The following FYN variants were observed in gnomAD, a reference collection of about 807,000 sequenced individuals.
FYN encodes FYN proto-oncogene, Src family tyrosine kinase.
In FYN, 10 loss-of-function variants were observed where a neutral mutation model predicts 70.2. The observed-to-expected ratio is 0.14, with a 90% confidence interval of 0.09 to 0.24. FYN has a LOEUF of 0.24. Ranked by LOEUF, FYN falls within the 10% of genes least tolerant of loss-of-function variation. The probability of loss-of-function intolerance (pLI) is 1.00; values close to 1 mark genes in which losing one functional copy is unlikely to be tolerated. For synonymous variants in FYN, 236 were observed against 248.6 expected (o/e 0.95, Z 0.48); for missense variants, 319 against 673.1 (o/e 0.47, Z 5.82).
At chr6:111,669,438 C>CAA (rs10690295) in intron 13 of FYN, among the ~76,000 whole-genome samples, 1,752 of 56,680 alleles carry the variant, frequency 0.031, 128 homozygotes, top group African/African-American at 0.1. Flanking sequence ...CCATCCATCT[C>CAA]AAAAAAAAAA....
intron 13 of FYN, among the ~76,000 whole-genome samples, chr6:111,666,203 C>T (rs1223157985): frequency 6.6e-6 from 1 of 152,036 alleles, no homozygotes; most frequent in African/African-American, 2.4e-5. Context: ...TGTCTGAGCA[C>T]ATTTTAGGGA....
At chr6:111,707,546 TG>T (rs1417535866) in intron 6 of FYN, among the ~76,000 whole-genome samples, 2 of 147,592 alleles carry the variant, frequency 1.4e-5, no homozygotes, top group Non-Finnish European at 2.9e-5. Context: ...GGCAATTACT[TG>T]CTACTCTCCC....
intron 12 of FYN, among the ~76,000 whole-genome samples, chr6:111,693,820 G>A (rs1050018118): frequency 6.6e-6 from 1 of 152,086 alleles, no homozygotes; most frequent in African/African-American, 2.4e-5. Flanking sequence ...GCTAGAGTGG[G>A]GTTGGGTGTG....
chr6:111,868,575 A>G (rs1456289787), intron 1 of FYN, among the ~76,000 whole-genome samples: 1 of 152,220 alleles, frequency 6.6e-6, no homozygotes, highest in Admixed American at 6.5e-5. Context: ...TATATTTCTC[A>G]TCAACCAAAA....
At chr6:111,854,300 C>T (rs1773764645) in intron 1 of FYN, among the ~76,000 whole-genome samples, 1 of 152,176 alleles carries the variant, frequency 6.6e-6, no homozygotes, top group South Asian at 2.1e-4. Flanking sequence ...CCTTTCCAAT[C>T]GTGGTGTAAG....
At chr6:111,856,403 CAATT>C (rs920150732) in intron 1 of FYN, among the ~76,000 whole-genome samples, 3 of 152,116 alleles carry the variant, frequency 2.0e-5, no homozygotes, top group Non-Finnish European at 4.4e-5. Flanking sequence ...AAATTAAAAA[CAATT>C]CATTCTTCAT....
intron 1 of FYN, among the ~76,000 whole-genome samples, chr6:111,849,499 AGCATGGGCT>A (rs2114487871): frequency 6.6e-6 from 1 of 152,324 alleles, no homozygotes; most frequent in East Asian, 1.9e-4. Context: ...CAGTCAAAGG[AGCATGGGCT>A]GCACGCTTAG....
chr6:111,861,039 C>G (rs1412794899), intron 1 of FYN, among the ~76,000 whole-genome samples: 1 of 152,186 alleles, frequency 6.6e-6, no homozygotes, highest in African/African-American at 2.4e-5. Context: ...AATCTGGATT[C>G]TAAACCATGA....
chr6:111,688,375 C>T (rs773580271), intron 12 of FYN, among the ~76,000 whole-genome samples: 1 of 152,140 alleles, frequency 6.6e-6, no homozygotes, highest in Non-Finnish European at 1.5e-5. Context: ...GCAGCCACAA[C>T]AGCATTTGAT....
chr6:111,735,806 T>C (rs1801684012), intron 3 of FYN, among the ~76,000 whole-genome samples: 1 of 152,140 alleles, frequency 6.6e-6, no homozygotes, highest in African/African-American at 2.4e-5. Flanking sequence ...ACCTCACAAA[T>C]CATCCCCAAC....
At chr6:111,703,213 G>C (rs1245639720) in intron 7 of FYN, among the ~76,000 whole-genome samples, 179 bp from the exon 8 acceptor site, 2 of 152,152 alleles carry the variant, frequency 1.3e-5, no homozygotes, top group Non-Finnish European at 2.9e-5. Context: ...GCAAATGTCA[G>C]AATATATTAG....
intron 12 of FYN, among the ~76,000 whole-genome samples, chr6:111,685,237 C>A (rs562391270): frequency 5.9e-5 from 9 of 152,300 alleles, no homozygotes; most frequent in Admixed American, 5.2e-4. Context: ...CCAGCCACCC[C>A]CAGAAGGGGC....
At chr6:111,834,273 GT>G (rs200791792) in intron 2 of FYN, among the ~76,000 whole-genome samples, 1,813 of 152,200 alleles carry the variant, frequency 0.012, 33 homozygotes, top group African/African-American at 0.041. Context: ...TAAGAGGATT[GT>G]TTATTTCTCT....
chr6:111,694,368 T>G lies in FYN; in HGVS notation c.1273+7A>C. ...TGATCACGAGCCATTGTCATTCAAG[T>G]GCCCACCTTGTCTTGCTGTGTACTC... On this transcript the variant is annotated splice_region_variant and intron_variant, in intron 12 of 13. Coordinates refer to ENST00000354650, the MANE Select transcript of FYN (RefSeq NM_002037.5). The surrounding 1 kb of genome is among the most constrained non-coding windows in gnomAD (Gnocchi z 5.0). The G allele has an allele frequency of 6.2e-7, 1 of 1,614,090 alleles. No homozygotes were observed. Among genetic ancestry groups the G allele is most frequent in the African/African-American group, 1.3e-5 (1 of 75,066 alleles).
At chr6:111,715,570 C>T (rs1800597887) in intron 4 of FYN, among the ~76,000 whole-genome samples, 1 of 152,080 alleles carries the variant, frequency 6.6e-6, no homozygotes, top group Non-Finnish European at 1.5e-5. Flanking sequence ...CTCTCTATTG[C>T]CACTTCAGCT....
chr6:111,870,357 G>A (rs1335903534), intron 1 of FYN, among the ~76,000 whole-genome samples: 2 of 152,172 alleles, frequency 1.3e-5, no homozygotes, highest in African/African-American at 4.8e-5. Flanking sequence ...GCCACCTACC[G>A]ACCAGAAACA....
At chr6:111,791,386 C>T (rs9400506) in intron 2 of FYN, among the ~76,000 whole-genome samples, 17,933 of 152,030 alleles carry the variant, frequency 0.12, 1,712 homozygotes, top group African/African-American at 0.26. Context: ...TAGATTGAAC[C>T]GTGTCCCCCA....
intron 1 of FYN, among the ~76,000 whole-genome samples, chr6:111,864,037 G>A (rs137992169): frequency 6.6e-6 from 1 of 152,296 alleles, no homozygotes; most frequent in Non-Finnish European, 1.5e-5. Flanking sequence ...GAATCCAAAT[G>A]AGGCCTGGGG....
chr6:111,771,546 T>C (rs1803451797), intron 3 of FYN, among the ~76,000 whole-genome samples: 1 of 152,072 alleles, frequency 6.6e-6, no homozygotes, highest in Admixed American at 6.6e-5. Context: ...CAAAACACTA[T>C]CACTTCCCAA....
Sources: gnomAD v4.1 joint callset for allele counts (sites outside exome capture counted in the v4.1 genomes callset) on GRCh38, gnomAD v4.1.1 for gene constraint, Gnocchi (gnomAD v3.1) non-coding constraint, MANE v1.5 for transcripts, NCBI Gene and HGNC (gene_info 2026-07-23, HGNC 2026-07-21) for gene names.